The following IL16 variants were observed in gnomAD, a reference collection of about 807,000 sequenced individuals.
IL16 encodes the protein interleukin 16, also known as pro-interleukin-16.
A neutral mutation model predicts 110.1 loss-of-function variants in IL16; 67 were observed. The ratio of observed to expected loss-of-function variants is 0.61; its 90% confidence interval spans 0.50 to 0.75. IL16 has a LOEUF of 0.75. Ranked by LOEUF, IL16 falls within the 30% of genes least tolerant of loss-of-function variation. IL16 has a pLI of 0.00. For missense variants in IL16, 1,545 were observed against 1,655.0 expected, an observed-to-expected ratio of 0.93 and a Z score of 1.15; for synonymous variants, 689 against 662.9, an observed-to-expected ratio of 1.04 and a Z score of -0.61.
At chr15:81,274,380 A>G (rs1195923299) in intron 6 of IL16, among the ~76,000 whole-genome samples, 1 of 152,144 alleles carries the variant, frequency 6.6e-6, no homozygotes, top group African/African-American at 2.4e-5. Flanking sequence ...CCTTCTGGGG[A>G]CTCGAGCACG....
chr15:81,199,010 A>C, intron 1 of IL16, among the ~76,000 whole-genome samples: 1 of 119,360 alleles, frequency 8.4e-6, no homozygotes, highest in African/African-American at 3.9e-5. Context: ...ACAGAGGGAG[A>C]CTCCATCTCA....
At chr15:81,276,971 A>G (rs1222329094) in intron 6 of IL16, among the ~76,000 whole-genome samples, 2 of 152,178 alleles carry the variant, frequency 1.3e-5, no homozygotes, top group African/African-American at 4.8e-5. Flanking sequence ...GCTATGTTTA[A>G]AATCATTTTA....
intron 9 of IL16, among the ~76,000 whole-genome samples, chr15:81,285,438 C>T (rs1264699643): frequency 6.6e-6 from 1 of 152,204 alleles, no homozygotes; most frequent in African/African-American, 2.4e-5. Context: ...AGGAAAGTTA[C>T]AGATGAACTT....
intron 6 of IL16, among the ~76,000 whole-genome samples, chr15:81,274,126 C>T (rs148818526): frequency 1.2e-4 from 18 of 152,300 alleles, no homozygotes; most frequent in African/African-American, 4.3e-4. Flanking sequence ...TCACTCTTCT[C>T]TGTCAGCTCG....
At chr15:81,195,791 G>C (rs1047976886), upstream of IL16, among the ~76,000 whole-genome samples, 1 of 152,190 alleles carries the variant, frequency 6.6e-6, no homozygotes, top group Non-Finnish European at 1.5e-5. Flanking sequence ...GGCTCACAGA[G>C]ACTGAGCTTA....
At chr15:81,294,887 G>A (rs1899911626) in intron 12 of IL16, among the ~76,000 whole-genome samples, 1 of 152,002 alleles carries the variant, frequency 6.6e-6, no homozygotes, top group African/African-American at 2.4e-5. Context: ...TTTCTTCCGT[G>A]GCCACAGTGT....
chr15:81,187,769 G>C (rs972765001), intron 1 of IL16, among the ~76,000 whole-genome samples: 38 of 152,352 alleles, frequency 2.5e-4, no homozygotes, highest in African/African-American at 8.4e-4. Context: ...ACCTTTGCCT[G>C]CAAAGGCCCC....
intron 2 of IL16, among the ~76,000 whole-genome samples, chr15:81,244,745 T>G (rs1897475602): frequency 6.6e-6 from 1 of 152,180 alleles, no homozygotes; most frequent in South Asian, 2.1e-4. Context: ...TGTGAAGTGC[T>G]CAGCCATTAT....
intron 1 of IL16, among the ~76,000 whole-genome samples, chr15:81,213,189 G>T (rs1346328033): frequency 6.6e-6 from 1 of 152,154 alleles, no homozygotes; most frequent in Non-Finnish European, 1.5e-5. Flanking sequence ...ATGCATTTAT[G>T]TAGTTTTGAG....
intron 2 of IL16, among the ~76,000 whole-genome samples, chr15:81,249,287 CT>C (rs1441276715): frequency 3.9e-5 from 6 of 152,072 alleles, no homozygotes; most frequent in African/African-American, 7.2e-5. Flanking sequence ...TCAACTCTTT[CT>C]TTTAATCATC....
At position 81,301,399 on chromosome 15, in the gene IL16, G is replaced by C; in HGVS notation, c.3205G>C (p.Asp1069His). 6.2e-7 allele frequency: 1 copy of C among 1,614,042 alleles called. No individual in the cohort carries two copies. Among genetic ancestry groups the C allele is most frequent in the Non-Finnish European group, 8.5e-7 (1 of 1,179,956 alleles). ...TCTCACGGAAGCCAAGGAAGACGAT[G>C]ATGGGGACCACAGTTCCCTTCAGTC... ...EGLTEAKEDD[D>H]GDHSSLQSGQ... Residue 1069 changes from aspartate (D) to histidine (H), a missense_variant, in exon 15 of 19, where the codon GAT becomes CAT. Physicochemically the swap from Asp to His is moderately conservative, Grantham distance 81. Transcript: ENST00000683961.
At chr15:81,298,626 A>G (rs1200935831) in intron 13 of IL16, among the ~76,000 whole-genome samples, 1 of 152,170 alleles carries the variant, frequency 6.6e-6, no homozygotes, top group Non-Finnish European at 1.5e-5. Flanking sequence ...AGATTCCAGT[A>G]TGTAGCCAAG....
intron 11 of IL16, chr15:81,292,031 G>A: frequency 2.2e-6 from 1 of 454,268 alleles, no homozygotes; most frequent in Non-Finnish European, 4.4e-6. Context: ...GAGCAGGCAG[G>A]GTAGACAGAG....
intron 9 of IL16, 30 bp from the exon 10 acceptor site, chr15:81,285,668 A>G (rs779209482): frequency 6.2e-7 from 1 of 1,612,474 alleles, no homozygotes; most frequent in South Asian, 1.1e-5. Flanking sequence ...TGATTCACTT[A>G]CTGATGGCTT....
At chr15:81,190,418 G>A (rs945685234) in intron 1 of IL16, among the ~76,000 whole-genome samples, 2 of 152,218 alleles carry the variant, frequency 1.3e-5, no homozygotes, top group Non-Finnish European at 2.9e-5. Context: ...TACTTACTCA[G>A]CTTTTGTTAC....
intron 1 of IL16, among the ~76,000 whole-genome samples, chr15:81,220,720 C>T (rs1896583479): frequency 6.6e-6 from 1 of 151,038 alleles, no homozygotes; most frequent in South Asian, 2.1e-4. Context: ...AATACTGTGG[C>T]CTTTCCTCCG....
chr15:81,246,068 T>G (rs1897535949), intron 2 of IL16, among the ~76,000 whole-genome samples: 1 of 152,184 alleles, frequency 6.6e-6, no homozygotes, highest in South Asian at 2.1e-4. Context: ...GATTTTATTT[T>G]CTACATAATC....
At chr15:81,248,272 T>G (rs914257270) in intron 2 of IL16, among the ~76,000 whole-genome samples, 3 of 152,110 alleles carry the variant, frequency 2.0e-5, no homozygotes, top group African/African-American at 4.8e-5. Context: ...TCTGTATCTA[T>G]CTACTTCTAT....
At position 81,309,855 on chromosome 15, in the gene IL16, G is replaced by A. The variant is rs964863769; in HGVS notation, c.*1057G>A. 6.6e-6 allele frequency: 1 copy of A among 152,238 alleles called. No individual in the cohort carries two copies. Among genetic ancestry groups the A allele is most frequent in the Non-Finnish European group, 1.5e-5 (1 of 68,046 alleles). The allele number at this position is 152,238 out of a possible 1,614,324, so 9.4% of individuals were successfully genotyped here. Reference sequence around the variant, plus strand: ...CAGCTTCTACGGTGTATGGTTCTGTGCCAATGTATTGATAAGAGGGCACAC... The same window carrying A: ...CAGCTTCTACGGTGTATGGTTCTGTACCAATGTATTGATAAGAGGGCACAC... On this transcript the variant is annotated 3_prime_UTR_variant, in exon 19 of 19. Coordinates refer to ENST00000683961, the MANE Select transcript of IL16 (RefSeq NM_172217.5).
Sources: allele counts gnomAD v4.1 joint callset (sites outside exome capture counted in the v4.1 genomes callset), GRCh38; gene constraint gnomAD v4.1.1; transcripts MANE v1.5; gene names NCBI Gene and HGNC (gene_info 2026-07-23, HGNC 2026-07-21).